JADE1: variants seen among roughly 807,000 people sequenced by gnomAD.
The protein encoded by JADE1 is protein Jade-1.
In JADE1, 14 loss-of-function variants were observed where a neutral mutation model predicts 81.8. The ratio of observed to expected loss-of-function variants is 0.17; its 90% confidence interval spans 0.11 to 0.27. The LOEUF is 0.27. JADE1 is among the 10% of genes least tolerant of loss of function. The pLI, the probability that JADE1 is intolerant of heterozygous loss-of-function variation, is 1.00. For missense variants in JADE1, 690 were observed against 1,047.9 expected (o/e 0.66, Z 4.71); for synonymous variants, 353 against 391.9 (o/e 0.90, Z 1.17).
chr4:128,857,355 A>G lies in JADE1; in HGVS notation c.882A>G (p.Pro294=), dbSNP rs17013835. ...LWIPEVSIGS[P]EKMEPITKVS... is the part of the protein sequence containing the mutation. ...ACCTTTAGGTGAGCATTGGCAGCCC[A>G]GAGAAGATGGAGCCCATCACCAAGG... Residue 294 remains proline, a synonymous_variant, in exon 8 of 11, where the codon CCA becomes CCG. Transcript: ENST00000226319. The G allele has an allele frequency of 5.0e-3, 8,039 of 1,614,086 alleles. 225 individuals carry two copies. The African/African-American group carries it at 0.075, about 15-fold the overall frequency.
intron 9 of JADE1, chr4:128,863,095 G>C: frequency 1.0e-6 from 1 of 985,652 alleles, no homozygotes; most frequent in Non-Finnish European, 1.2e-6. Flanking sequence ...CCGAGCCTCA[G>C]CTGCTGGCAT....
At chr4:128,860,872 G>A (rs1296831302) in intron 8 of JADE1, among the ~76,000 whole-genome samples, 2 of 152,168 alleles carry the variant, frequency 1.3e-5, no homozygotes, top group African/African-American at 2.4e-5. Context: ...GGCCAGGATC[G>A]GCGTGCACCG....
At chr4:128,834,550 T>A (rs1486162387) in intron 2 of JADE1, among the ~76,000 whole-genome samples, 2 of 149,316 alleles carry the variant, frequency 1.3e-5, no homozygotes, top group African/African-American at 4.9e-5. Flanking sequence ...TTTTTTTTTT[T>A]TGAGATGGAG....
At position 128,862,100 on chromosome 4, in the gene JADE1, G is replaced by A. The variant is rs1001476103; in HGVS notation, c.1378G>A (p.Val460Ile). The A allele has an allele frequency of 2.4e-5, 39 of 1,614,048 alleles. No individual in the cohort carries two copies. Among genetic ancestry groups the A allele is most frequent in the Non-Finnish European group, 3.1e-5 (37 of 1,180,030 alleles). ...CCAGTACTGGAAGTTGAAGAGGAAG[G>A]TCAACTTCAACAAGCCCCTGATCAC... Reference protein sequence around the residue: ...LYQYWKLKRKVNFNKPLITPK... With the variant: ...LYQYWKLKRKINFNKPLITPK... The change falls in exon 9 of 11, where the codon GTC (valine) becomes ATC (isoleucine). Residue 460 changes from valine to isoleucine, a missense_variant. Physicochemically the swap from Val to Ile is conservative, Grantham distance 29. Coordinates refer to ENST00000226319, the MANE Select transcript of JADE1 (RefSeq NM_199320.4).
At position 128,874,930 on chromosome 4, in the gene JADE1, TGTC is replaced by T. The variant is rs1378017561; in HGVS notation, c.*2669_*2671del. 1 of 152,638 alleles carries T rather than the reference TGTC, an allele frequency of 6.6e-6. No homozygotes were observed. Among genetic ancestry groups the T allele is most frequent in the Admixed American group, 6.5e-5 (1 of 15,290 alleles). 9.5% of individuals were successfully genotyped at this position (152,638 alleles called of 1,614,324 possible). On this transcript the variant is annotated 3_prime_UTR_variant, in exon 11 of 11. Transcript: ENST00000226319. ...AATCTTATTTTGAAATGGACAAACT[TGTC>T]ATTACATTTGTAACCTTGTACAGAG...
chr4:128,831,553 G>C (rs1293449149), intron 1 of JADE1, 180 bp from the exon 2 acceptor site: 1 of 553,736 alleles, frequency 1.8e-6, no homozygotes, highest in African/African-American at 1.9e-5. Context: ...TTTTTAACCT[G>C]GTTTGTTAAT....
intron 1 of JADE1, chr4:128,811,902 C>G (rs1446620189): frequency 6.6e-6 from 1 of 151,648 alleles, no homozygotes; most frequent in Non-Finnish European, 1.5e-5. Context: ...CGAGCCCGCT[C>G]GGAGCTCCTC....
intron 6 of JADE1, 48 bp from the exon 7 acceptor site, chr4:128,855,582 C>T: frequency 6.7e-7 from 1 of 1,489,280 alleles, no homozygotes; most frequent in Non-Finnish European, 9.1e-7. Flanking sequence ...GGAAAAATAA[C>T]ATTTTCTCTT....
rs1732373942 is a variant in JADE1, at chr4:128,873,708, C to G, written c.*1446C>G. The G allele has an allele frequency of 6.6e-6, 1 of 152,282 alleles. No individual in the cohort carries two copies. The highest frequency in any genetic ancestry group is 1.5e-5 in the Non-Finnish European group (1 of 68,030). 9.4% of individuals were successfully genotyped at this position (152,282 alleles called of 1,614,324 possible). Reference sequence around the variant, plus strand: ...TGGGCCTTTGGAACAAGCCCGACTTCCCCTAAATTCTCCTTAGTTTGTTAA... The same window carrying G: ...TGGGCCTTTGGAACAAGCCCGACTTGCCCTAAATTCTCCTTAGTTTGTTAA... On this transcript the variant is annotated 3_prime_UTR_variant, in exon 11 of 11. Coordinates refer to ENST00000226319, the MANE Select transcript of JADE1 (RefSeq NM_199320.4).
At chr4:128,827,233 C>T (rs1728157975) in intron 1 of JADE1, among the ~76,000 whole-genome samples, 1 of 152,124 alleles carries the variant, frequency 6.6e-6, no homozygotes, top group East Asian at 1.9e-4. Context: ...ATCTGCTTTA[C>T]CATTTCTAAC....
rs1478881465 is a variant in JADE1 at position 128,875,126 on chromosome 4, A to AAAACT, written c.*2866_*2870dup. The AAAACT allele has an allele frequency of 6.6e-6, 1 of 152,602 alleles. No individual in the cohort carries two copies. Among genetic ancestry groups the AAAACT allele is most frequent in the African/African-American group, 2.4e-5 (1 of 41,458 alleles). The allele number at this position is 152,602 out of a possible 1,614,324, so 9.5% of individuals were successfully genotyped here. A position where few individuals can be genotyped will look rare whatever the true frequency, so the allele number is the denominator to read the frequency against. ...CTACCCCCTTTTTGAAAGTATTTAT[A>AAAACT]AAACTAGTTGAGGACAGCTGTATTT... On this transcript the variant is annotated 3_prime_UTR_variant, in exon 11 of 11. Coordinates refer to ENST00000226319, the MANE Select transcript of JADE1 (RefSeq NM_199320.4).
rs188225949 is a variant in JADE1 at position 128,830,481 on chromosome 4, G to A, written c.-26-1252G>A. ...ACTCCTGACCTCAAGTGATCCTCCC[G>A]TCTTTGCTTCCCAAAGTGCTGGGAT... On this transcript the variant is annotated intron_variant, in intron 1 of 10. Transcript: ENST00000226319. Among the ~76,000 whole-genome samples the A allele has an allele frequency of 3.7e-3, 569 of 152,094 alleles. 4 individuals carry two copies. The highest frequency in any genetic ancestry group is 6.8e-3 in the Middle Eastern group (2 of 294).
intron 7 of JADE1, among the ~76,000 whole-genome samples, chr4:128,856,296 G>C (rs1347851367): frequency 6.6e-6 from 1 of 152,184 alleles, no homozygotes; most frequent in African/African-American, 2.4e-5. Context: ...CTCTCATCTT[G>C]TCATGGAATG....
intron 1 of JADE1, among the ~76,000 whole-genome samples, chr4:128,821,253 G>T (rs1368696388): frequency 2.0e-5 from 3 of 152,088 alleles, no homozygotes; most frequent in Admixed American, 1.3e-4. Context: ...AAACTGAGAC[G>T]CGGAATAAGA....
At chr4:128,818,845 C>T (rs1727289630) in intron 1 of JADE1, among the ~76,000 whole-genome samples, 1 of 151,972 alleles carries the variant, frequency 6.6e-6, no homozygotes. Context: ...GGCTGTTGAC[C>T]CCTGATTGGT....
chr4:128,846,334 G>A lies in JADE1; in HGVS notation c.139-41G>A. The A allele has an allele frequency of 6.3e-7, 1 of 1,598,742 alleles. No individual in the cohort carries two copies. The highest frequency in any genetic ancestry group is 1.7e-4 in the Middle Eastern group (1 of 6,008). ...AGCTGCCAGCACTCTGAATAAGAAT[G>A]CAAATATCAAATGTCAGTGTCCCTT... On this transcript the variant is annotated intron_variant, in intron 3 of 10. Transcript: ENST00000226319. This position sits in a 1 kb window ranked among gnomAD's most constrained non-coding sequence, Gnocchi z 4.0.
intron 2 of JADE1, among the ~76,000 whole-genome samples, chr4:128,833,764 A>G (rs1462545585): frequency 1.3e-5 from 2 of 152,342 alleles, no homozygotes; most frequent in African/African-American, 2.4e-5. Flanking sequence ...CCATATAAAG[A>G]TAATGCCCAA....
intron 5 of JADE1, among the ~76,000 whole-genome samples, chr4:128,850,016 G>A (rs574230611): frequency 2.6e-5 from 4 of 152,206 alleles, no homozygotes; most frequent in South Asian, 2.1e-4. Context: ...AAGATCGGCC[G>A]GGCTTGTTGG....
At position 128,862,289 on chromosome 4, in the gene JADE1, G is replaced by A. The variant is rs762495492; in HGVS notation, c.1503+64G>A. 1.4e-5 allele frequency: 23 copies of A among 1,600,536 alleles called. No individual in the cohort carries two copies. The South Asian group carries it at 1.8e-4, about 12-fold the overall frequency. ...AGAAGATGCAAAGAGGCGAACGCTC[G>A]CCCAGAGCAAGAAATGATAGCCAGT... On this transcript the variant is annotated intron_variant, in intron 9 of 10. Transcript: ENST00000226319.
Sources: allele counts gnomAD v4.1 joint callset (sites outside exome capture counted in the v4.1 genomes callset), GRCh38; gene constraint gnomAD v4.1.1; non-coding constraint Gnocchi (gnomAD v3.1); transcripts MANE v1.5; gene names NCBI Gene and HGNC (gene_info 2026-07-23, HGNC 2026-07-21).